The following SLIT2 variants were observed in gnomAD, a reference collection of about 807,000 sequenced individuals.
SLIT2 encodes slit homolog 2 protein.
SLIT2 carries 41 observed loss-of-function variants against 185.7 expected under a neutral mutation model. The observed-to-expected ratio is 0.22, with a 90% confidence interval of 0.17 to 0.29. The LOEUF is 0.29. Among genes scored for constraint, SLIT2 ranks in the 10% least tolerant of loss-of-function variants. The pLI, the probability that SLIT2 is intolerant of heterozygous loss-of-function variation, is 1.00. For synonymous variants in SLIT2, 693 were observed against 680.2 expected (o/e 1.02, Z -0.29); for missense variants, 1,571 against 1,909.0 (o/e 0.82, Z 3.30).
chr4:20,398,151 G>A (rs1726065561), intron 4 of SLIT2, among the ~76,000 whole-genome samples: 1 of 151,754 alleles, frequency 6.6e-6, no homozygotes, highest in African/African-American at 2.4e-5. Flanking sequence ...AAAGACAGCT[G>A]AGATCCCTGA....
Position 20,498,121 on chromosome 4 carries a change from C to T in SLIT2, c.914+6222C>T, listed in dbSNP as rs538824104. Among the ~76,000 whole-genome samples the T allele has an allele frequency of 7.9e-5, 12 of 152,124 alleles. No individual in the cohort carries two copies. The South Asian group carries it at 2.3e-3, about 29-fold the overall frequency. On this transcript the variant is annotated intron_variant, in intron 9 of 36. Coordinates refer to ENST00000504154, the MANE Select transcript of SLIT2 (RefSeq NM_004787.4). Reference sequence around the variant, plus strand: ...CTGGGAGGCGGAGGCAGCAGTCAGCCGAGATGGCGCCACTGGACTCCAGCC... The same window carrying T: ...CTGGGAGGCGGAGGCAGCAGTCAGCTGAGATGGCGCCACTGGACTCCAGCC...
chr4:20,506,522 C>T (rs115292631), intron 9 of SLIT2, among the ~76,000 whole-genome samples: 1 of 152,050 alleles, frequency 6.6e-6, no homozygotes, highest in Non-Finnish European at 1.5e-5. Context: ...TTTCTTTTTA[C>T]CTCAACCTGA....
intron 12 of SLIT2, among the ~76,000 whole-genome samples, chr4:20,522,785 G>A (rs906248711): frequency 6.6e-6 from 1 of 152,082 alleles, no homozygotes; most frequent in Non-Finnish European, 1.5e-5. Context: ...CTCTCCAAGA[G>A]GGTTGTAAAG....
chr4:20,611,820 C>G (rs1316284880), intron 34 of SLIT2, among the ~76,000 whole-genome samples: 1 of 152,160 alleles, frequency 6.6e-6, no homozygotes, highest in Non-Finnish European at 1.5e-5. Flanking sequence ...AGAGCAATCT[C>G]AAGGATTTTA....
chr4:20,494,550 G>A (rs1018760917), intron 9 of SLIT2, among the ~76,000 whole-genome samples: 1 of 152,118 alleles, frequency 6.6e-6, no homozygotes, highest in African/African-American at 2.4e-5. Flanking sequence ...GCCGAGGCAG[G>A]CAGATCATGA....
chr4:20,582,870 C>T (rs1026714772), intron 29 of SLIT2, among the ~76,000 whole-genome samples: 7 of 152,260 alleles, frequency 4.6e-5, no homozygotes, highest in South Asian at 2.1e-4. Flanking sequence ...TGTGATACCA[C>T]GACAACAGAT....
chr4:20,589,191 G>A (rs1203421999), intron 29 of SLIT2, among the ~76,000 whole-genome samples: 1 of 152,114 alleles, frequency 6.6e-6, no homozygotes, highest in Non-Finnish European at 1.5e-5. Flanking sequence ...GGACCGGGGG[G>A]AAGGCTTCTG....
intron 4 of SLIT2, among the ~76,000 whole-genome samples, chr4:20,388,293 CTT>C (rs920947353): frequency 2.0e-5 from 3 of 152,040 alleles, no homozygotes; most frequent in African/African-American, 7.2e-5. Flanking sequence ...ATTTGCATAT[CTT>C]ATATTTGATA....
At chr4:20,307,716 G>A (rs1235193762) in intron 4 of SLIT2, among the ~76,000 whole-genome samples, 1 of 152,146 alleles carries the variant, frequency 6.6e-6, no homozygotes, top group African/African-American at 2.4e-5. Flanking sequence ...TGTATACCAG[G>A]GACTCTAATT....
At chr4:20,399,407 C>T (rs757752003) in intron 4 of SLIT2, among the ~76,000 whole-genome samples, 1 of 151,618 alleles carries the variant, frequency 6.6e-6, no homozygotes, top group African/African-American at 2.4e-5. Context: ...CCTGGGCGAA[C>T]CATAAACTCT....
intron 4 of SLIT2, among the ~76,000 whole-genome samples, chr4:20,272,340 C>A (rs1713716239): frequency 6.6e-6 from 1 of 151,652 alleles, no homozygotes; most frequent in Non-Finnish European, 1.5e-5. Context: ...CTTTGCTCCT[C>A]CTCCAAAATC....
At chr4:20,473,963 T>C (rs965428105) in intron 5 of SLIT2, among the ~76,000 whole-genome samples, 3 of 151,992 alleles carry the variant, frequency 2.0e-5, no homozygotes, top group African/African-American at 4.8e-5. Context: ...TCCATTGATA[T>C]CAGATTGCAG....
At position 20,253,675 on chromosome 4, in the gene SLIT2, T is replaced by G; in HGVS notation, c.-141T>G. On this transcript the variant is annotated 5_prime_UTR_variant, in exon 1 of 37. Coordinates refer to ENST00000504154, the MANE Select transcript of SLIT2 (RefSeq NM_004787.4). ...GAGTGGGCTCTACTGCCTTGTTCCA[T>G]ATTATTTGGTGCACATTTTCCCTGG... 6.5e-5 allele frequency: 60 copies of G among 924,494 alleles called. No homozygotes were observed. Among genetic ancestry groups the G allele is most frequent in the Non-Finnish European group, 8.5e-5 (52 of 610,654 alleles). 57.3% of individuals were successfully genotyped at this position (924,494 alleles called of 1,614,324 possible).
chr4:20,295,389 G>A (rs964800512), intron 4 of SLIT2, among the ~76,000 whole-genome samples: 2 of 152,106 alleles, frequency 1.3e-5, no homozygotes, highest in African/African-American at 4.8e-5. Context: ...CCATTCCTGT[G>A]GAAAGATGCT....
rs200550946 is a variant in SLIT2 at position 20,529,148 on chromosome 4, G to T, written c.1613+49G>T. On this transcript the variant is annotated intron_variant, in intron 16 of 36. Transcript: ENST00000504154. ...TCTGGTTGGGATGGAGGGAATGAAA[G>T]CATTAAAGCATAAGAATGTTTGTCT... 2.9e-6 allele frequency: 4 copies of T among 1,397,394 alleles called. No homozygotes were observed. In the Admixed American group the frequency reaches 8.3e-5, roughly 29 times the overall value. The allele number at this position is 1,397,394 out of a possible 1,614,324, so 86.6% of individuals were successfully genotyped here.
At chr4:20,418,037 A>C (rs1181760480) in intron 4 of SLIT2, among the ~76,000 whole-genome samples, 1 of 152,154 alleles carries the variant, frequency 6.6e-6, no homozygotes, top group Non-Finnish European at 1.5e-5. Flanking sequence ...CTCCTATAGT[A>C]GAGTGTACCA....
At chr4:20,612,350 A>C (rs995544878) in intron 34 of SLIT2, among the ~76,000 whole-genome samples, 1 of 151,856 alleles carries the variant, frequency 6.6e-6, no homozygotes, top group Non-Finnish European at 1.5e-5. Flanking sequence ...AAATTTCAAA[A>C]TGAAAAGTAT....
intron 12 of SLIT2, among the ~76,000 whole-genome samples, chr4:20,520,933 A>G (rs1720785663): frequency 6.6e-6 from 1 of 152,164 alleles, no homozygotes; most frequent in Non-Finnish European, 1.5e-5. Flanking sequence ...TTCTGTTATT[A>G]AATATTGCTA....
intron 21 of SLIT2, among the ~76,000 whole-genome samples, chr4:20,544,586 C>G (rs997970641): frequency 6.6e-6 from 1 of 152,040 alleles, no homozygotes; most frequent in Non-Finnish European, 1.5e-5. Context: ...AGAGCTTATT[C>G]TTGTAACCTT....
Sources: allele counts gnomAD v4.1 joint callset (sites outside exome capture counted in the v4.1 genomes callset), GRCh38; gene constraint gnomAD v4.1.1; transcripts MANE v1.5; gene names NCBI Gene and HGNC (gene_info 2026-07-23, HGNC 2026-07-21).